The following NKAIN3 variants were observed in gnomAD, a reference collection of about 807,000 sequenced individuals.
NKAIN3 encodes the protein sodium/potassium-transporting ATPase subunit beta-1-interacting protein 3.
NKAIN3 carries 25 observed loss-of-function variants against 30.2 expected under a neutral mutation model. The observed-to-expected ratio is 0.83, with a 90% CI of 0.60 to 1.16. The LOEUF is 1.16. Among genes scored for constraint, NKAIN3 ranks in the 50% most tolerant of loss-of-function variants. The pLI, the probability that NKAIN3 is intolerant of heterozygous loss-of-function variation, is 0.00. For synonymous variants in NKAIN3, 91 were observed against 89.6 expected, an observed-to-expected ratio of 1.02 and a Z score of -0.09; for missense variants, 225 against 254.1, an observed-to-expected ratio of 0.89 and a Z score of 0.78.
chr8:62,304,840 C>A (rs1814173454), intron 1 of NKAIN3, among the ~76,000 whole-genome samples: 1 of 150,390 alleles, frequency 6.6e-6, no homozygotes, highest in Non-Finnish European at 1.5e-5. Flanking sequence ...CATAGGCCAG[C>A]AGAAGCTACT....
chr8:62,324,682 A>G lies in NKAIN3; in HGVS notation c.54+75555A>G, dbSNP rs1183628937. Among the ~76,000 whole-genome samples the G allele has an allele frequency of 3.9e-5, 6 of 152,260 alleles. No homozygotes were observed. In the South Asian group the frequency reaches 6.2e-4, roughly 16 times the overall value. ...TGCCAGGAAAAGCAGAAAGAACTATATTCCAGAAAAGTTAACAGAACAAGG... is the reference window on the plus strand; with the variant it reads ...TGCCAGGAAAAGCAGAAAGAACTATGTTCCAGAAAAGTTAACAGAACAAGG... On this transcript the variant is annotated intron_variant, in intron 1 of 6. Coordinates refer to ENST00000623646, the MANE Select transcript of NKAIN3 (RefSeq NM_001304533.3).
chr8:62,938,400 G>A lies in NKAIN3; in HGVS notation c.533-15502G>A, dbSNP rs147818664. On this transcript the variant is annotated intron_variant, in intron 5 of 6. Coordinates refer to ENST00000623646, the MANE Select transcript of NKAIN3 (RefSeq NM_001304533.3). ...CATCCTGGCTAACCAGAGGTCCTGA[G>A]TCTTTCCATGTGACAACTTTACTGC... Among the ~76,000 whole-genome samples the A allele has an allele frequency of 1.7e-3, 256 of 152,218 alleles. 4 individuals carry two copies. The highest frequency in any genetic ancestry group is 2.5e-3 in the South Asian group (12 of 4,820).
chr8:62,356,780 T>C (rs1816371181), intron 1 of NKAIN3, among the ~76,000 whole-genome samples: 1 of 152,108 alleles, frequency 6.6e-6, no homozygotes, highest in Non-Finnish European at 1.5e-5. Flanking sequence ...CAAAGTGCAT[T>C]CAGTAATTCC....
chr8:62,775,704 A>C (rs1226870143), intron 4 of NKAIN3, among the ~76,000 whole-genome samples: 1 of 151,988 alleles, frequency 6.6e-6, no homozygotes, highest in East Asian at 1.9e-4. Context: ...GTGCTTCTAT[A>C]GTTTCCCAAA....
intron 6 of NKAIN3, among the ~76,000 whole-genome samples, chr8:62,965,113 A>G (rs372410172): frequency 4.6e-5 from 7 of 152,156 alleles, no homozygotes; most frequent in East Asian, 3.9e-4. Context: ...CACAACAATT[A>G]CTGTGTGGTT....
chr8:62,445,549 CTTATA>C (rs1306903774), intron 1 of NKAIN3, among the ~76,000 whole-genome samples: 1 of 152,070 alleles, frequency 6.6e-6, no homozygotes, highest in Non-Finnish European at 1.5e-5. Flanking sequence ...CTGTTTACTT[CTTATA>C]TTATACAGTT....
At chr8:62,778,127 C>A (rs1006403811) in intron 4 of NKAIN3, among the ~76,000 whole-genome samples, 1 of 152,092 alleles carries the variant, frequency 6.6e-6, no homozygotes, top group East Asian at 1.9e-4. Flanking sequence ...GCCATTACCA[C>A]GGAGACTGTG....
At chr8:62,991,559 G>A (rs1450982324) in intron 5 of NKAIN3, among the ~76,000 whole-genome samples, 3 of 152,142 alleles carry the variant, frequency 2.0e-5, no homozygotes, top group Non-Finnish European at 4.4e-5. Flanking sequence ...TCAATATGTC[G>A]GAAAAGGAAA....
intron 3 of NKAIN3, among the ~76,000 whole-genome samples, chr8:62,694,215 A>G (rs1412254505): frequency 6.6e-6 from 1 of 152,108 alleles, no homozygotes; most frequent in South Asian, 2.1e-4. Context: ...CCATTAACCA[A>G]ATTCTCCTCA....
chr8:62,458,116 T>C (rs1300854251), intron 1 of NKAIN3, among the ~76,000 whole-genome samples: 2 of 152,152 alleles, frequency 1.3e-5, no homozygotes, highest in African/African-American at 4.8e-5. Flanking sequence ...CAAAGCATAT[T>C]ATCACCTTTC....
intron 5 of NKAIN3, among the ~76,000 whole-genome samples, chr8:62,946,001 G>A (rs746820670): frequency 4.6e-5 from 7 of 152,184 alleles, no homozygotes; most frequent in Non-Finnish European, 1.0e-4. Flanking sequence ...GACAATGCAG[G>A]CTCTTGGACT....
At chr8:62,637,728 T>C (rs1471927952) in intron 3 of NKAIN3, among the ~76,000 whole-genome samples, 2 of 152,166 alleles carry the variant, frequency 1.3e-5, no homozygotes, top group Non-Finnish European at 2.9e-5. Context: ...CTCCCAGGGC[T>C]TGGCTGGATG....
intron 3 of NKAIN3, among the ~76,000 whole-genome samples, chr8:62,673,975 C>T (rs1813392745): frequency 6.6e-6 from 1 of 152,140 alleles, no homozygotes; most frequent in Admixed American, 6.5e-5. Flanking sequence ...AAATAATTTC[C>T]AGGTTCTAGT....
At chr8:62,567,713 A>G (rs1809801261) in intron 1 of NKAIN3, among the ~76,000 whole-genome samples, 1 of 152,082 alleles carries the variant, frequency 6.6e-6, no homozygotes, top group Non-Finnish European at 1.5e-5. Flanking sequence ...GAAAAGTTAA[A>G]AAAAAGGAAG....
intron 1 of NKAIN3, among the ~76,000 whole-genome samples, chr8:62,321,272 G>A (rs1348814592): frequency 6.6e-6 from 1 of 152,042 alleles, no homozygotes; most frequent in Admixed American, 6.5e-5. Flanking sequence ...TTTGCCATGG[G>A]TTCGAACTTC....
chr8:62,855,284 G>A lies in NKAIN3; in HGVS notation c.472-63169G>A. 6.0e-6 allele frequency: 3 copies of A among 500,928 alleles called. 1 individual carries two copies. The South Asian group carries it at 6.2e-5, about 10-fold the overall frequency. 31.0% of individuals were successfully genotyped at this position (500,928 alleles called of 1,614,324 possible). A position where few individuals can be genotyped will look rare whatever the true frequency, so the allele number is the denominator to read the frequency against. On this transcript the variant is annotated intron_variant, in intron 4 of 6. Transcript: ENST00000623646. ...AGCCTGGCCACAGTGTGGAAGGGCAGCTGGTCACACAGCCTCTGGTCAGGC... is the reference window on the plus strand; with the variant it reads ...AGCCTGGCCACAGTGTGGAAGGGCAACTGGTCACACAGCCTCTGGTCAGGC...
intron 4 of NKAIN3, among the ~76,000 whole-genome samples, chr8:62,795,310 A>C (rs1416529217): frequency 1.3e-5 from 2 of 152,218 alleles, no homozygotes; most frequent in Non-Finnish European, 2.9e-5. Context: ...AATTGAAATA[A>C]ATGCTAAAAT....
At chr8:62,328,705 G>T (rs1182626129) in intron 1 of NKAIN3, among the ~76,000 whole-genome samples, 1 of 152,016 alleles carries the variant, frequency 6.6e-6, no homozygotes, top group Admixed American at 6.6e-5. Context: ...AGAGTAATTA[G>T]CCCAGAACTT....
At chr8:62,619,112 C>A (rs190299798) in intron 3 of NKAIN3, among the ~76,000 whole-genome samples, 2 of 152,048 alleles carry the variant, frequency 1.3e-5, no homozygotes, top group African/African-American at 4.8e-5. Flanking sequence ...CAGGTGATTT[C>A]GTGTAAAGAT....
Sources: gnomAD v4.1 joint callset for allele counts (sites outside exome capture counted in the v4.1 genomes callset) on GRCh38, gnomAD v4.1.1 for gene constraint, MANE v1.5 for transcripts, NCBI Gene and HGNC (gene_info 2026-07-23, HGNC 2026-07-21) for gene names.